TMEM68: variants seen among roughly 807,000 people sequenced by gnomAD.
The protein encoded by TMEM68 is transmembrane protein 68, also known as DGAT1/2-independent enzyme synthesizing storage lipids.
In TMEM68, 25 loss-of-function variants were observed where a neutral mutation model predicts 36.9. The ratio of observed to expected loss-of-function variants is 0.68; its 90% confidence interval spans 0.49 to 0.95. The LOEUF is 0.95. TMEM68 is among the 40% of genes least tolerant of loss of function. The probability of loss-of-function intolerance (pLI) is 0.00; values close to 1 mark genes in which losing one functional copy is unlikely to be tolerated. For synonymous variants in TMEM68, 131 were observed against 124.4 expected, an observed-to-expected ratio of 1.05 and a Z score of -0.35; for missense variants, 333 against 392.0, an observed-to-expected ratio of 0.85 and a Z score of 1.27.
intron 4 of TMEM68, among the ~76,000 whole-genome samples, chr8:55,754,605 T>C (rs1451643011): frequency 1.5e-5 from 2 of 133,524 alleles, no homozygotes; most frequent in Non-Finnish European, 3.1e-5. Context: ...ATGTAATATA[T>C]ATTTATATTA....
Position 55,756,233 on chromosome 8 carries a change from T to G in TMEM68, c.493+11A>C, listed in dbSNP as rs747644393. 3.1e-6 allele frequency: 5 copies of G among 1,595,406 alleles called. No homozygotes were observed. Among genetic ancestry groups the G allele is most frequent in the Non-Finnish European group, 4.3e-6 (5 of 1,175,414 alleles). ...AACATTTTTACATTACTATCTACAG[T>G]GAAAGTTTACCTGGAATTTTAAAGA... On this transcript the variant is annotated intron_variant, in intron 4 of 7. Transcript: ENST00000434581.
intron 1 of TMEM68, among the ~76,000 whole-genome samples, chr8:55,772,093 A>G (rs1225346613): frequency 2.6e-5 from 4 of 152,170 alleles, no homozygotes; most frequent in Admixed American, 6.5e-5. Context: ...CTATACTGGT[A>G]TATCTGTAAC....
intron 1 of TMEM68, among the ~76,000 whole-genome samples, chr8:55,772,689 A>G (rs565553978): frequency 1.1e-3 from 162 of 152,314 alleles, no homozygotes; most frequent in Admixed American, 3.6e-3. Flanking sequence ...CTATTAATCA[A>G]CCCCATTTCA....
At chr8:55,756,954 G>A (rs1810625833) in intron 3 of TMEM68, among the ~76,000 whole-genome samples, 1 of 133,912 alleles carries the variant, frequency 7.5e-6, no homozygotes, top group African/African-American at 2.8e-5. Flanking sequence ...CCTGGCACAA[G>A]CAGGGACAGG....
chr8:55,764,742 C>T (rs1810911707), intron 1 of TMEM68, among the ~76,000 whole-genome samples: 2 of 152,106 alleles, frequency 1.3e-5, no homozygotes, highest in Non-Finnish European at 2.9e-5. Context: ...ACAACTTGGG[C>T]TTTATTTACA....
Position 55,745,090 on chromosome 8 carries a change from C to A in TMEM68, c.719G>T (p.Arg240Leu). 2 of 1,491,222 alleles carry A rather than the reference C, an allele frequency of 1.3e-6. No individual in the cohort carries two copies. The highest frequency in any genetic ancestry group is 1.8e-6 in the Non-Finnish European group (2 of 1,124,762). The allele number at this position is 1,491,222 out of a possible 1,614,324, so 92.4% of individuals were successfully genotyped here. A position where few individuals can be genotyped will look rare whatever the true frequency, so the allele number is the denominator to read the frequency against. ...PIIPMFTQNI[R>L]EGFRSLGGTR... ...TCCTCCAAGTGATCTAAATCCTTCT[C>A]GAATATTTTGTGTAAACATAGGAAT... Residue 240 changes from arginine (R) to leucine (L), a missense_variant, in exon 6 of 8, where the codon CGA becomes CTA. Physicochemically the swap from Arg to Leu is moderately radical, Grantham distance 102 (BLOSUM62 -2). Transcript: ENST00000434581.
chr8:55,770,450 G>A (rs930419512), intron 1 of TMEM68, among the ~76,000 whole-genome samples: 1 of 152,162 alleles, frequency 6.6e-6, no homozygotes, highest in Non-Finnish European at 1.5e-5. Context: ...CAAGGTGGAA[G>A]GACTGCTTGA....
At chr8:55,772,154 C>G (rs1811193796) in intron 1 of TMEM68, among the ~76,000 whole-genome samples, 1 of 152,144 alleles carries the variant, frequency 6.6e-6, no homozygotes, top group Admixed American at 6.5e-5. Context: ...TATCTCCGAC[C>G]TCAAAGTAGG....
rs1188728964 is a variant in TMEM68, at chr8:55,738,876, C to T, written c.*1256G>A. On this transcript the variant is annotated 3_prime_UTR_variant, in exon 8 of 8. Transcript: ENST00000434581. ...TTAAAAAAGGGAGAGGGAGATACTGCATTTGATTTCTGACACTTTTCTGTT... is the reference window on the plus strand; with the variant it reads ...TTAAAAAAGGGAGAGGGAGATACTGTATTTGATTTCTGACACTTTTCTGTT... 1.3e-5 allele frequency: 2 copies of T among 152,560 alleles called. No homozygotes were observed. The highest frequency in any genetic ancestry group is 4.8e-5 in the African/African-American group (2 of 41,410). The allele number at this position is 152,560 out of a possible 1,614,324, so 9.5% of individuals were successfully genotyped here.
Position 55,751,145 on chromosome 8 carries a change from A to G in TMEM68, c.506T>C (p.Leu169Ser). 2 of 1,604,086 alleles carry G rather than the reference A, an allele frequency of 1.2e-6. No homozygotes were observed. The highest frequency in any genetic ancestry group is 2.2e-5 in the South Asian group (2 of 89,564). ...ATGTAGAGCACAAAACACATCCAGT[A>G]ATAAACTAAACCCTGTAAGAAACAT... The part of the protein sequence containing the change: ...FVFKIPGFSL[L>S]LDVFCALHGP... Residue 169 changes from leucine (L) to serine (S), a missense_variant, in exon 5 of 8, where the codon TTA (leucine) becomes TCA (serine). Transcript: ENST00000434581.
chr8:55,754,411 C>G (rs1410706229), intron 4 of TMEM68, among the ~76,000 whole-genome samples: 7 of 143,142 alleles, frequency 4.9e-5, no homozygotes, highest in Non-Finnish European at 1.1e-4. Context: ...CCACTGCACT[C>G]TAGCCCAGGT....
At chr8:55,753,945 A>G (rs1183266860) in intron 4 of TMEM68, among the ~76,000 whole-genome samples, 1 of 151,646 alleles carries the variant, frequency 6.6e-6, no homozygotes, top group Non-Finnish European at 1.5e-5. Context: ...TACAAAAATT[A>G]GCCAGGTATG....
In TMEM68 at chr8:55,751,032, C is replaced by T; in HGVS notation, c.619G>A (p.Asp207Asn). ...PGGVREALIS[D>N]ETYNIVWGHR... ...CCCCATACGATGTTATAAGTTTCAT[C>T]ACTAATTAGGGCTTCTCGAACTCCA... Residue 207 changes from aspartate to asparagine, a missense_variant, in exon 5 of 8, where the codon GAT becomes AAT. Transcript: ENST00000434581. 14 of 1,613,992 alleles carry T rather than the reference C, an allele frequency of 8.7e-6. No individual in the cohort carries two copies. Among genetic ancestry groups the T allele is most frequent in the Non-Finnish European group, 1.2e-5 (14 of 1,179,990 alleles).
Position 55,751,001 on chromosome 8 carries a change from C to T in TMEM68, c.650G>A (p.Arg217His), listed in dbSNP as rs138377114. 5.0e-6 allele frequency: 8 copies of T among 1,612,970 alleles called. No homozygotes were observed. The highest frequency in any genetic ancestry group is 2.2e-5 in the South Asian group (2 of 90,906). Residue 217 changes from arginine to histidine, a missense_variant, in exon 5 of 8, where the codon CGC becomes CAC. Coordinates refer to ENST00000434581, the MANE Select transcript of TMEM68 (RefSeq NM_001286657.2). The stretch of plus-strand genomic sequence containing the variant: ...AATTGCAACCTGAGCAAAGCCTCTG[C>T]GATGACCCCATACGATGTTATAAGT... Reference protein sequence around the residue: ...DETYNIVWGHRRGFAQVAIDA... With the variant: ...DETYNIVWGHHRGFAQVAIDA...
chr8:55,769,547 A>G (rs1811088159), intron 1 of TMEM68, among the ~76,000 whole-genome samples: 1 of 152,176 alleles, frequency 6.6e-6, no homozygotes, highest in African/African-American at 2.4e-5. Flanking sequence ...TAGTTATCTA[A>G]GAAAACATAC....
At chr8:55,762,446 C>T in intron 3 of TMEM68, 189 bp downstream of exon 3, 1 of 1,165,894 alleles carries the variant, frequency 8.6e-7, no homozygotes, top group Non-Finnish European at 1.2e-6. Flanking sequence ...AAACCAACGT[C>T]TATGGGAAAA....
At chr8:55,747,959 G>A (rs966489282) in intron 5 of TMEM68, 1 of 152,090 alleles carries the variant, frequency 6.6e-6, no homozygotes. Context: ...TGCATTTAAA[G>A]ACTTTCCTGT....
intron 4 of TMEM68, among the ~76,000 whole-genome samples, chr8:55,754,498 T>TAC (rs1237291676): frequency 1.1e-4 from 14 of 130,148 alleles, no homozygotes; most frequent in South Asian, 4.8e-4. Flanking sequence ...CACACATACA[T>TAC]ACACACACAC....
chr8:55,769,758 G>A (rs762017453), intron 1 of TMEM68, among the ~76,000 whole-genome samples: 18 of 151,938 alleles, frequency 1.2e-4, no homozygotes, highest in South Asian at 2.1e-4. Context: ...TCAGCCTCCC[G>A]TGTAGCTGGG....
Sources: gnomAD v4.1 joint callset for allele counts (sites outside exome capture counted in the v4.1 genomes callset) on GRCh38, gnomAD v4.1.1 for gene constraint, MANE v1.5 for transcripts, NCBI Gene and HGNC (gene_info 2026-07-23, HGNC 2026-07-21) for gene names.